The following ROBO2 variants were observed in gnomAD, a reference collection of about 807,000 sequenced individuals.
The protein encoded by ROBO2 is roundabout guidance receptor 2.
ROBO2 carries 53 observed loss-of-function variants against 160.8 expected under a neutral mutation model. The observed-to-expected ratio is 0.33, with a 90% CI of 0.26 to 0.41. The LOEUF is 0.41. Ranked by LOEUF, ROBO2 falls within the 10% of genes least tolerant of loss-of-function variation. ROBO2 has a pLI of 1.00. For synonymous variants in ROBO2, 664 were observed against 611.7 expected (o/e 1.09, Z -1.26); for missense variants, 1,577 against 1,722.4 (o/e 0.92, Z 1.49).
intron 2 of ROBO2, among the ~76,000 whole-genome samples, chr3:75,990,003 C>G (rs937648410): frequency 2.6e-5 from 4 of 152,042 alleles, no homozygotes; most frequent in Admixed American, 1.3e-4. Context: ...TAAAAAATAT[C>G]TCAACTGTAT....
intron 2 of ROBO2, among the ~76,000 whole-genome samples, chr3:76,428,877 G>C (rs1341920797): frequency 6.6e-6 from 1 of 152,078 alleles, no homozygotes; most frequent in Non-Finnish European, 1.5e-5. Flanking sequence ...CTTCACGGTC[G>C]TGGGACTGAC....
intron 2 of ROBO2, among the ~76,000 whole-genome samples, chr3:77,450,772 A>G (rs2153561741): frequency 6.6e-6 from 1 of 152,230 alleles, no homozygotes; most frequent in Middle Eastern, 3.4e-3. Context: ...TTAAAGGTAA[A>G]GATAGTGGAA....
chr3:76,555,425 G>GAAGAAGAAGAAGAAGAAGAA (rs1399867100), intron 2 of ROBO2, among the ~76,000 whole-genome samples: 1,486 of 68,228 alleles, frequency 0.022, 88 homozygotes, highest in Non-Finnish European at 0.033. Flanking sequence ...AAGAAAGAAG[G>GAAGAAGAAGAAGAAGAAGAA]AGAAGGGGAA....
chr3:77,169,311 C>A (rs1312309895), intron 2 of ROBO2, among the ~76,000 whole-genome samples: 1 of 152,072 alleles, frequency 6.6e-6, no homozygotes, highest in Non-Finnish European at 1.5e-5. Flanking sequence ...TCTTAGATAC[C>A]TATGATTAAA....
chr3:76,137,866 G>A (rs2071488838), intron 2 of ROBO2, among the ~76,000 whole-genome samples: 1 of 151,878 alleles, frequency 6.6e-6, no homozygotes, highest in Admixed American at 6.6e-5. Context: ...CCCACAAAGT[G>A]TTCTCCAGTT....
chr3:76,069,875 G>T (rs535439947), intron 2 of ROBO2, among the ~76,000 whole-genome samples: 1 of 152,082 alleles, frequency 6.6e-6, no homozygotes, highest in South Asian at 2.1e-4. Flanking sequence ...GACATTTATT[G>T]GTTCCCCAAA....
At chr3:75,943,874 G>C (rs1016681630) in intron 2 of ROBO2, among the ~76,000 whole-genome samples, 2 of 151,514 alleles carry the variant, frequency 1.3e-5, no homozygotes, top group African/African-American at 4.8e-5. Flanking sequence ...CTAATTTTTG[G>C]ATTTTTAGCA....
At chr3:76,273,231 G>A (rs760384972) in intron 2 of ROBO2, among the ~76,000 whole-genome samples, 8 of 147,126 alleles carry the variant, frequency 5.4e-5, no homozygotes, top group Non-Finnish European at 1.2e-4. Flanking sequence ...GACTTCTACA[G>A]TGAGACTCAT....
chr3:77,219,229 C>G (rs548219878), intron 2 of ROBO2, among the ~76,000 whole-genome samples: 28 of 151,868 alleles, frequency 1.8e-4, no homozygotes, highest in African/African-American at 6.0e-4. Flanking sequence ...CTCAGCCTCC[C>G]ACAGTGCTGA....
At chr3:77,360,490 A>G (rs762312983) in intron 2 of ROBO2, among the ~76,000 whole-genome samples, 6 of 152,050 alleles carry the variant, frequency 3.9e-5, no homozygotes, top group Non-Finnish European at 7.4e-5. Context: ...AAATGCTATA[A>G]CTGTCACCTT....
chr3:77,537,099 T>TG (rs63352561), intron 6 of ROBO2, among the ~76,000 whole-genome samples: 18,851 of 127,388 alleles, frequency 0.15, 1,373 homozygotes, highest in South Asian at 0.22. Flanking sequence ...ACATATTTTG[T>TG]GGGGGGGGGG....
intron 2 of ROBO2, among the ~76,000 whole-genome samples, chr3:75,977,128 T>C (rs2065153549): frequency 6.6e-6 from 1 of 151,570 alleles, no homozygotes; most frequent in African/African-American, 2.4e-5. Context: ...AGCAACCATT[T>C]CAGAGAAACA....
intron 2 of ROBO2, among the ~76,000 whole-genome samples, chr3:77,407,989 G>A (rs2076392234): frequency 6.6e-6 from 1 of 151,848 alleles, no homozygotes; most frequent in African/African-American, 2.4e-5. Flanking sequence ...ATGCTGGAAA[G>A]GTGCATGCAC....
chr3:76,322,208 T>TATATATATAC (rs1262581750), intron 2 of ROBO2, among the ~76,000 whole-genome samples: 5 of 128,250 alleles, frequency 3.9e-5, no homozygotes, highest in Admixed American at 7.9e-5. Context: ...ATATATAATA[T>TATATATATAC]ACACACACAT....
chr3:76,472,475 T>C (rs1341038044), intron 2 of ROBO2, among the ~76,000 whole-genome samples: 14 of 152,098 alleles, frequency 9.2e-5, no homozygotes, highest in Admixed American at 9.2e-4. Flanking sequence ...CTACTATCTA[T>C]ACCTGATACA....
At chr3:77,607,690 C>T in intron 20 of ROBO2, 108 bp from the exon 22 acceptor site, 1 of 977,448 alleles carries the variant, frequency 1.0e-6, no homozygotes, top group South Asian at 1.3e-5. Flanking sequence ...TTTAACAACT[C>T]CAACATACTG....
At chr3:77,054,083 G>A (rs1346619151) in intron 1 of ROBO2, among the ~76,000 whole-genome samples, 1 of 152,102 alleles carries the variant, frequency 6.6e-6, no homozygotes, top group Non-Finnish European at 1.5e-5. Flanking sequence ...ATAGAAACAA[G>A]GTTAGTACAA....
chr3:76,162,923 A>G (rs2106932900), intron 2 of ROBO2, among the ~76,000 whole-genome samples: 1 of 152,218 alleles, frequency 6.6e-6, no homozygotes, highest in East Asian at 1.9e-4. Flanking sequence ...TTATAGTGCT[A>G]TAAAAAATGC....
At chr3:77,639,360 A>C (rs35723777) in intron 24 of ROBO2, among the ~76,000 whole-genome samples, 9,295 of 152,292 alleles carry the variant, frequency 0.061, 393 homozygotes, top group Middle Eastern at 0.12. Flanking sequence ...AAGTACATAC[A>C]TGAACATATA....
Sources: allele counts gnomAD v4.1 joint callset (sites outside exome capture counted in the v4.1 genomes callset), GRCh38; gene constraint gnomAD v4.1.1; transcripts MANE v1.5; gene names NCBI Gene and HGNC (gene_info 2026-07-23, HGNC 2026-07-21).